Variants in DISP3 observed in about 807,000 individuals in gnomAD.
DISP3 encodes the protein dispatched RND transporter family member 3.
DISP3 carries 101 observed loss-of-function variants against 135.3 expected under a neutral mutation model. That is an observed-to-expected ratio of 0.75 (90% CI 0.64 to 0.88). DISP3 has a LOEUF of 0.88. Among genes scored for constraint, DISP3 ranks in the 40% least tolerant of loss-of-function variants. The pLI, the probability that DISP3 is intolerant of heterozygous loss-of-function variation, is 0.00. For missense variants in DISP3, 1,713 were observed against 1,878.6 expected (o/e 0.91, Z 1.63); for synonymous variants, 856 against 817.0 (o/e 1.05, Z -0.81).
intron 3 of DISP3, among the ~76,000 whole-genome samples, chr1:11,511,346 C>T (rs1641850046): frequency 6.6e-6 from 1 of 152,286 alleles, no homozygotes; most frequent in East Asian, 1.9e-4. Flanking sequence ...CTAGTTACTT[C>T]CTAGATACAA....
intron 1 of DISP3, among the ~76,000 whole-genome samples, chr1:11,500,363 A>G (rs1271327593): frequency 6.6e-6 from 1 of 152,210 alleles, no homozygotes; most frequent in Non-Finnish European, 1.5e-5. Flanking sequence ...AACATACTAC[A>G]CAGACTGCAG....
intron 17 of DISP3, among the ~76,000 whole-genome samples, chr1:11,532,838 C>G (rs1180011788): frequency 6.6e-6 from 1 of 152,116 alleles, no homozygotes; most frequent in African/African-American, 2.4e-5. Context: ...GCTGGGACTA[C>G]AGGTGCACAC....
chr1:11,525,081 C>T (rs944200147), intron 11 of DISP3, 95 bp from the exon 12 acceptor site: 19 of 1,476,628 alleles, frequency 1.3e-5, no homozygotes, highest in Non-Finnish European at 1.7e-5. Flanking sequence ...GGACTGAGCT[C>T]GTTAGTCGAC....
At chr1:11,508,532 T>A (rs560537354) in intron 3 of DISP3, among the ~76,000 whole-genome samples, 16 of 152,226 alleles carry the variant, frequency 1.1e-4, no homozygotes, top group Non-Finnish European at 1.8e-4. Context: ...GTGTGTCTTC[T>A]TTTTTTTCAT....
At chr1:11,534,632 C>T in intron 18 of DISP3, 92 bp downstream of exon 18, 1 of 1,461,902 alleles carries the variant, frequency 6.8e-7, no homozygotes. Context: ...GTCACAATCT[C>T]CATCCTGGCC....
rs763166698 is a variant in DISP3, at chr1:11,501,749, G to T, written c.757G>T (p.Ala253Ser). The T allele has an allele frequency of 6.3e-7, 1 of 1,591,054 alleles. No homozygotes were observed. Among genetic ancestry groups the T allele is most frequent in the East Asian group, 2.3e-5 (1 of 44,126 alleles). ...CAATCAGAGCCGTGCCCGCCGAGGC[G>T]CCTCGCGCTGGGACTACTCGCGCGC... ...AANQSRARRG[A>S]SRWDYSRAYV... Residue 253 changes from alanine (A) to serine (S), a missense_variant, in exon 2 of 21, where the codon GCC (alanine) becomes TCC (serine). Physicochemically the swap from Ala to Ser is moderately conservative, Grantham distance 99 (BLOSUM62 1). This residue lies in a region of DISP3 where 571 missense variants were observed against 494.1 expected (regional missense o/e 1.16). Transcript: ENST00000294484. The surrounding 1 kb of genome is among the most constrained non-coding windows in gnomAD (Gnocchi z 4.9).
At position 11,501,730 on chromosome 1, in the gene DISP3, G is replaced by A. The variant is rs778582965; in HGVS notation, c.738G>A (p.Gln246=). ...IPPHAAVAAN[Q]SRARRGASRW... is the part of the protein sequence containing the mutation. ...CCCACGCGGCAGTCGCGGCCAATCAGAGCCGTGCCCGCCGAGGCGCCTCGC... is the reference window on the plus strand; with the variant it reads ...CCCACGCGGCAGTCGCGGCCAATCAAAGCCGTGCCCGCCGAGGCGCCTCGC... The change falls in exon 2 of 21, where the codon CAG becomes CAA. Residue 246 remains glutamine, a synonymous_variant. Transcript: ENST00000294484. This position sits in a 1 kb window ranked among gnomAD's most constrained non-coding sequence, Gnocchi z 4.9. The A allele has an allele frequency of 1.9e-6, 3 of 1,594,810 alleles. No individual in the cohort carries two copies. Among genetic ancestry groups the A allele is most frequent in the South Asian group, 2.2e-5 (2 of 89,342 alleles).
At chr1:11,523,022 C>T (rs1277773561) in intron 10 of DISP3, among the ~76,000 whole-genome samples, 1 of 152,220 alleles carries the variant, frequency 6.6e-6, no homozygotes, top group Non-Finnish European at 1.5e-5. Context: ...GCCTCTTCCT[C>T]TGGGAACTGC....
rs1557588504 is a variant in DISP3, at chr1:11,483,098, C to G, written c.-4+3726C>G. On this transcript the variant is annotated intron_variant, in intron 1 of 20. Coordinates refer to ENST00000294484, the MANE Select transcript of DISP3 (RefSeq NM_020780.2). This position sits in a 1 kb window ranked among gnomAD's most constrained non-coding sequence, Gnocchi z 5.4. Reference sequence around the variant, plus strand: ...AGGCATGGATGCTGCGGGACCAGTCCAGGGATGGCGGCAGAGCCTCCCCCA... The same window carrying G: ...AGGCATGGATGCTGCGGGACCAGTCGAGGGATGGCGGCAGAGCCTCCCCCA... 1.3e-5 allele frequency among the ~76,000 whole-genome samples: 2 copies of G among 152,334 alleles called. No homozygotes were observed. The highest frequency in any genetic ancestry group is 3.9e-4 in the East Asian group (2 of 5,192).
intron 15 of DISP3, among the ~76,000 whole-genome samples, chr1:11,530,705 G>A (rs1229958972): frequency 1.3e-5 from 2 of 152,120 alleles, no homozygotes; most frequent in African/African-American, 4.8e-5. Flanking sequence ...GGGGTGGGCA[G>A]TGATGGGAGC....
In DISP3 at chr1:11,531,575, C is replaced by T; in HGVS notation, c.3240C>T (p.Ile1080=). The T allele has an allele frequency of 6.2e-7, 1 of 1,613,478 alleles. No individual in the cohort carries two copies. ...TGCCTCTCCCCGCAGGCTACAGCAT[C>T]TCCTCCTTCCTGCAGATGTTGCACC... ...GAQCLPSGYS[I]SSFLQMLHPE... Residue 1080 remains isoleucine, a synonymous_variant, in exon 17 of 21, where the codon ATC becomes ATT. Transcript: ENST00000294484. This position sits in a 1 kb window ranked among gnomAD's most constrained non-coding sequence, Gnocchi z 5.2.
At position 11,491,188 on chromosome 1, in the gene DISP3, C is replaced by T. The variant is rs1641172483; in HGVS notation, c.-3-9802C>T. ...GCCACGGTGGAGGGATGTGGGGAGGCCAAGGCTAAATCAGTTGCTGGAGGG... is the reference window on the plus strand; with the variant it reads ...GCCACGGTGGAGGGATGTGGGGAGGTCAAGGCTAAATCAGTTGCTGGAGGG... On this transcript the variant is annotated intron_variant, in intron 1 of 20. Coordinates refer to ENST00000294484, the MANE Select transcript of DISP3 (RefSeq NM_020780.2). This position sits in a 1 kb window ranked among gnomAD's most constrained non-coding sequence, Gnocchi z 4.3. Among the ~76,000 whole-genome samples the T allele has an allele frequency of 6.6e-6, 1 of 152,148 alleles. No homozygotes were observed.
At chr1:11,505,311 A>G (rs924472557) in intron 3 of DISP3, among the ~76,000 whole-genome samples, 15 of 152,240 alleles carry the variant, frequency 9.9e-5, no homozygotes, top group Non-Finnish European at 1.6e-4. Context: ...CCAGTTACCC[A>G]TTAGTAAGGA....
chr1:11,502,164 A>AGGCCCAGGCCCAGGCCCAGGCCC, intron 2 of DISP3, 76 bp downstream of exon 2: 1 of 1,464,796 alleles, frequency 6.8e-7, no homozygotes, highest in Non-Finnish European at 9.0e-7. Flanking sequence ...GGCCCAGGCC[A>AGGCCCAGGCCCAGGCCCAGGCCC]GGCCCAGGCC....
Position 11,529,628 on chromosome 1 carries a change from G to A in DISP3, c.2871G>A (p.Leu957=), listed in dbSNP as rs1642521051. Residue 957 remains leucine, a synonymous_variant, in exon 14 of 21, where the codon CTG becomes CTA. Coordinates refer to ENST00000294484, the MANE Select transcript of DISP3 (RefSeq NM_020780.2). The surrounding 1 kb of genome is among the most constrained non-coding windows in gnomAD (Gnocchi z 4.7). The part of the protein sequence containing the change: ...GRVCMAPPGC[L]LSSSPDGPTK... ...TATGCATGGCACCCCCTGGCTGCCT[G>A]CTTAGCTCCAGCCCCGATGGGCCTA... The A allele has an allele frequency of 6.2e-7, 1 of 1,609,460 alleles. No individual in the cohort carries two copies. The highest frequency in any genetic ancestry group is 8.5e-7 in the Non-Finnish European group (1 of 1,176,476).
At chr1:11,489,268 T>A (rs1641118863) in intron 1 of DISP3, among the ~76,000 whole-genome samples, 1 of 152,238 alleles carries the variant, frequency 6.6e-6, no homozygotes, top group South Asian at 2.1e-4. Context: ...ATCCTCCAGC[T>A]TCTCTTTGGG....
Position 11,536,442 on chromosome 1 carries a change from T to TCGC in DISP3, c.3937_3939dup (p.Ala1313dup). 6.2e-7 allele frequency: 1 copy of TCGC among 1,613,604 alleles called. No homozygotes were observed. The highest frequency in any genetic ancestry group is 1.1e-5 in the South Asian group (1 of 91,090). On this transcript the variant is annotated inframe_insertion, in exon 21 of 21. Coordinates refer to ENST00000294484, the MANE Select transcript of DISP3 (RefSeq NM_020780.2). The surrounding 1 kb of genome is among the most constrained non-coding windows in gnomAD (Gnocchi z 4.3). ...ACAGTGCCCCTCTTCTTCTGCATCATCGCCCCATTTGCCAAGTTCGGCAAG... is the reference window on the plus strand; with the variant it reads ...ACAGTGCCCCTCTTCTTCTGCATCATCGCCGCCCCATTTGCCAAGTTCGGCAAG...
intron 1 of DISP3, among the ~76,000 whole-genome samples, chr1:11,492,144 AG>A (rs1215710396): frequency 2.7e-5 from 4 of 147,460 alleles, no homozygotes; most frequent in African/African-American, 7.5e-5. Context: ...AAAAAAAAAA[AG>A]AAGTTAATAA....
intron 11 of DISP3, among the ~76,000 whole-genome samples, chr1:11,524,519 A>G (rs1180067693): frequency 6.6e-6 from 1 of 151,742 alleles, no homozygotes; most frequent in African/African-American, 2.4e-5. Flanking sequence ...ACACTAGCAC[A>G]TTTTCAGCAG....
Sources: gnomAD v4.1 joint callset for allele counts (sites outside exome capture counted in the v4.1 genomes callset) on GRCh38, gnomAD v4.1.1 for gene constraint, gnomAD v4.1.1 regional missense constraint, Gnocchi (gnomAD v3.1) non-coding constraint, MANE v1.5 for transcripts, NCBI Gene and HGNC (gene_info 2026-07-23, HGNC 2026-07-21) for gene names.